The following IGSF11 variants were observed in gnomAD, a reference collection of about 807,000 sequenced individuals.
IGSF11 encodes CXADR like 1.
In IGSF11, 22 loss-of-function variants were observed where a neutral mutation model predicts 41.0. The ratio of observed to expected loss-of-function variants is 0.54; its 90% confidence interval spans 0.38 to 0.77. The LOEUF (loss-of-function observed/expected upper bound fraction) is 0.77. IGSF11 is among the 30% of genes least tolerant of loss of function. The pLI is 0.00. For missense variants in IGSF11, 444 were observed against 530.8 expected, an observed-to-expected ratio of 0.84 and a Z score of 1.61; for synonymous variants, 219 against 201.3, an observed-to-expected ratio of 1.09 and a Z score of -0.74.
At position 118,934,591 on chromosome 3, in the gene IGSF11, T is replaced by A. The variant is rs539355879; in HGVS notation, c.53-4316A>T. Among the ~76,000 whole-genome samples the A allele has an allele frequency of 7.9e-5, 12 of 152,276 alleles. No homozygotes were observed. In the East Asian group the frequency reaches 2.3e-3, roughly 29 times the overall value. On this transcript the variant is annotated intron_variant, in intron 1 of 6. Transcript: ENST00000393775. ...TCTACTCAAAACCTCTCCTCTTATA[T>A]CCAATTGCCTCCTAGACTTCACCAT...
chr3:118,928,605 T>C lies in IGSF11; in HGVS notation c.328A>G (p.Thr110Ala). The change falls in exon 3 of 7, where the codon ACT becomes GCT. Residue 110 changes from threonine to alanine, a missense_variant. Physicochemically the swap from Thr to Ala is moderately conservative, Grantham distance 58. Transcript: ENST00000393775. Reference protein sequence around the residue: ...ATNVSIFINNTQLSDTGTYQC... With the variant: ...ATNVSIFINNAQLSDTGTYQC... ...TAGGTGCCAGTGTCTGATAACTGAG[T>C]GTTATTAATGAAGATAGAGACATTG... The C allele has an allele frequency of 6.2e-7, 1 of 1,613,950 alleles. No homozygotes were observed. Among genetic ancestry groups the C allele is most frequent in the South Asian group, 1.1e-5 (1 of 91,082 alleles).
intron 1 of IGSF11, among the ~76,000 whole-genome samples, chr3:119,009,359 C>T (rs1937816365): frequency 6.6e-6 from 1 of 152,102 alleles, no homozygotes; most frequent in Non-Finnish European, 1.5e-5. Flanking sequence ...CAAATCTTAC[C>T]TAGAATTGTA....
intron 1 of IGSF11, among the ~76,000 whole-genome samples, chr3:118,995,895 G>T (rs543290456): frequency 6.6e-6 from 1 of 152,086 alleles, no homozygotes; most frequent in Admixed American, 6.6e-5. Context: ...TGATCCGCCC[G>T]CCTCGGCCTC....
At chr3:119,062,002 C>T (rs781249723) in intron 1 of IGSF11, among the ~76,000 whole-genome samples, 2 of 152,092 alleles carry the variant, frequency 1.3e-5, no homozygotes, top group Non-Finnish European at 2.9e-5. Context: ...GGGAAAGTCA[C>T]TTAACCTCTG....
intron 1 of IGSF11, among the ~76,000 whole-genome samples, chr3:119,086,142 C>T (rs2076668978): frequency 6.6e-6 from 1 of 152,152 alleles, no homozygotes; most frequent in African/African-American, 2.4e-5. Flanking sequence ...GCCTCTGGAC[C>T]CTATTTTCCT....
intron 1 of IGSF11, among the ~76,000 whole-genome samples, chr3:119,066,484 A>G (rs967203808): frequency 1.3e-5 from 2 of 152,302 alleles, no homozygotes; most frequent in Admixed American, 1.3e-4. Flanking sequence ...AATTAAACAT[A>G]TTTTAGATTC....
chr3:119,049,661 A>G (rs1177439930), intron 1 of IGSF11, among the ~76,000 whole-genome samples: 9 of 152,176 alleles, frequency 5.9e-5, no homozygotes, highest in South Asian at 2.1e-4. Flanking sequence ...TAAAGTTCAT[A>G]TGGAACCTAA....
At chr3:119,017,593 C>T (rs1472307670) in intron 1 of IGSF11, among the ~76,000 whole-genome samples, 2 of 152,024 alleles carry the variant, frequency 1.3e-5, no homozygotes, top group East Asian at 3.9e-4. Flanking sequence ...GCCATGTGAT[C>T]TTATTTAATC....
intron 4 of IGSF11, among the ~76,000 whole-genome samples, chr3:118,924,196 G>C (rs1352949568): frequency 6.6e-6 from 1 of 152,030 alleles, no homozygotes; most frequent in Admixed American, 6.6e-5. Context: ...TCCTAGATTT[G>C]GCCAGAGCGA....
intron 1 of IGSF11, among the ~76,000 whole-genome samples, chr3:119,057,105 G>A (rs375074282): frequency 6.6e-6 from 1 of 152,150 alleles, no homozygotes; most frequent in Non-Finnish European, 1.5e-5. Context: ...TCAACATAGT[G>A]TTGGAAGTTC....
At chr3:119,095,075 C>T (rs2076828470) in intron 1 of IGSF11, among the ~76,000 whole-genome samples, 1 of 152,054 alleles carries the variant, frequency 6.6e-6, no homozygotes, top group Non-Finnish European at 1.5e-5. Context: ...AAAGTAATTT[C>T]ACATTGAAAA....
At chr3:119,053,922 C>T (rs1450380961) in intron 1 of IGSF11, among the ~76,000 whole-genome samples, 1 of 152,066 alleles carries the variant, frequency 6.6e-6, no homozygotes, top group Non-Finnish European at 1.5e-5. Flanking sequence ...GGGGAAAGGA[C>T]CCCCTATTCA....
Position 118,904,727 on chromosome 3 carries a change from CA to C in IGSF11, c.774del (p.Ile258MetfsTer3). 6.2e-7 allele frequency: 1 copy of C among 1,612,974 alleles called. No homozygotes were observed. Among genetic ancestry groups the C allele is most frequent in the Non-Finnish European group, 8.5e-7 (1 of 1,179,306 alleles). On this transcript the variant is annotated frameshift_variant, in exon 6 of 7. Coordinates refer to ENST00000393775, the MANE Select transcript of IGSF11 (RefSeq NM_001015887.3). LOFTEE classifies it high-confidence loss of function. ...GTGAVIIIFC[I>X]ALILGAFFYW... The stretch of plus-strand genomic sequence containing the variant: ...TAAAAGAATGCCCCTAAAATTAGTG[CA>C]ATGCAAAAAATGATAATAACTGCAC...
chr3:119,098,606 G>A (rs1259504000), intron 1 of IGSF11, among the ~76,000 whole-genome samples: 1 of 152,152 alleles, frequency 6.6e-6, no homozygotes, highest in Non-Finnish European at 1.5e-5. Context: ...TAAGAAAATT[G>A]TTCTGCCATA....
chr3:118,959,174 G>A (rs1235505428), intron 1 of IGSF11, among the ~76,000 whole-genome samples: 2 of 152,202 alleles, frequency 1.3e-5, no homozygotes, highest in African/African-American at 2.4e-5. Flanking sequence ...TGCAATGTGT[G>A]TAGAAGAGTT....
rs555188058 is a variant in IGSF11 at position 119,046,244 on chromosome 3, GA to G, written c.49+58899del. On this transcript the variant is annotated intron_variant, in intron 1 of 6. Coordinates refer to the IGSF11 transcript ENST00000354673. ...CAAAGGCAAAGAAGTTGAAAACTTT[GA>G]AAAAAATTTAGAAGAATGTATAACT... is the stretch of plus-strand genomic sequence containing the variant. Among the ~76,000 whole-genome samples the G allele has an allele frequency of 8.4e-3, 1,243 of 148,460 alleles. 26 individuals are homozygous for G. The highest frequency in any genetic ancestry group is 0.029 in the African/African-American group (1,167 of 40,622).
At chr3:119,105,286 T>C (rs2077004444), upstream of IGSF11, 1 of 798,574 alleles carries the variant, frequency 1.3e-6, no homozygotes, top group East Asian at 2.8e-5. Flanking sequence ...AATTTTTAAA[T>C]AGTTTATTTT....
chr3:119,129,918 G>A (rs917070793), intron 1 of IGSF11, among the ~76,000 whole-genome samples: 8 of 152,124 alleles, frequency 5.3e-5, no homozygotes, highest in South Asian at 2.1e-4. Context: ...CCAGGAGGTC[G>A]ACGCTGCAGT....
intron 1 of IGSF11, among the ~76,000 whole-genome samples, chr3:118,984,603 T>C (rs1935073961): frequency 6.6e-6 from 1 of 152,162 alleles, no homozygotes; most frequent in Non-Finnish European, 1.5e-5. Flanking sequence ...ACAGAATGGC[T>C]GATTTTCCAT....
Sources: gnomAD v4.1 joint callset for allele counts (sites outside exome capture counted in the v4.1 genomes callset) on GRCh38, gnomAD v4.1.1 for gene constraint, MANE v1.5 for transcripts, NCBI Gene and HGNC (gene_info 2026-07-23, HGNC 2026-07-21) for gene names.